CELF2: variants seen among roughly 807,000 people sequenced by gnomAD.
CELF2 encodes the protein CUG triplet repeat RNA-binding protein 2.
In CELF2, 8 loss-of-function variants were observed where a neutral mutation model predicts 62.6. The observed-to-expected ratio is 0.13, with a 90% CI of 0.07 to 0.23. The LOEUF is 0.23. Among genes scored for constraint, CELF2 ranks in the 10% least tolerant of loss-of-function variants. The pLI, the probability that CELF2 is intolerant of heterozygous loss-of-function variation, is 1.00. For missense variants in CELF2, 333 were observed against 671.0 expected (o/e 0.50, Z 5.56); for synonymous variants, 258 against 250.0 (o/e 1.03, Z -0.30).
chr10:10,683,734 C>T, the CELF2 span, among the ~76,000 whole-genome samples: 1 of 152,092 alleles, frequency 6.6e-6, no homozygotes, highest in Non-Finnish European at 1.5e-5. Context: ...ATATGATGGG[C>T]TTGGTTATGA....
At chr10:11,078,944 G>A (rs2073034899) in intron 1 of CELF2, among the ~76,000 whole-genome samples, 1 of 152,206 alleles carries the variant, frequency 6.6e-6, no homozygotes. Context: ...TGGACCCAAA[G>A]AGATTTGTTT....
chr10:11,307,091 C>G (rs933081680), intron 9 of CELF2, among the ~76,000 whole-genome samples: 1 of 152,214 alleles, frequency 6.6e-6, no homozygotes, highest in African/African-American at 2.4e-5. Context: ...CATCAACACA[C>G]CTGTTTGCAG....
chr10:11,170,165 A>G (rs1227336868), intron 2 of CELF2, among the ~76,000 whole-genome samples: 1 of 152,198 alleles, frequency 6.6e-6, no homozygotes, highest in Non-Finnish European at 1.5e-5. Context: ...TTGTACAGCA[A>G]AGGAGATTGT....
At chr10:11,240,187 A>G (rs2073305803) in intron 3 of CELF2, among the ~76,000 whole-genome samples, 1 of 152,236 alleles carries the variant, frequency 6.6e-6, no homozygotes, top group South Asian at 2.1e-4. Flanking sequence ...TTCAGAGGGT[A>G]ACAGTTTTTT....
At chr10:10,721,589 A>G in the CELF2 span, among the ~76,000 whole-genome samples, 1 of 152,346 alleles carries the variant, frequency 6.6e-6, no homozygotes, top group East Asian at 1.9e-4. Flanking sequence ...ACTGGAGTGC[A>G]ATAAATATTT....
At chr10:10,514,644 A>G in the CELF2 span, among the ~76,000 whole-genome samples, 1 of 152,192 alleles carries the variant, frequency 6.6e-6, no homozygotes, top group Non-Finnish European at 1.5e-5. Flanking sequence ...CGTGGCAAGA[A>G]GAACGATTTG....
chr10:10,510,476 T>C, the CELF2 span, among the ~76,000 whole-genome samples: 1 of 152,242 alleles, frequency 6.6e-6, no homozygotes. Context: ...TGCGTTTATC[T>C]TCATCTTGCC....
the CELF2 span, among the ~76,000 whole-genome samples, chr10:10,644,800 T>C: frequency 6.6e-6 from 1 of 152,150 alleles, no homozygotes; most frequent in Non-Finnish European, 1.5e-5. Context: ...TTCTGGCAAA[T>C]GCACTTTGGA....
intron 2 of CELF2, among the ~76,000 whole-genome samples, chr10:11,210,904 A>G (rs1418919811): frequency 6.6e-6 from 1 of 152,236 alleles, no homozygotes; most frequent in East Asian, 1.9e-4. Flanking sequence ...TGTACCCCAT[A>G]AATATGTACA....
intron 2 of CELF2, among the ~76,000 whole-genome samples, chr10:10,986,770 A>G (rs370723888): frequency 4.6e-5 from 7 of 152,190 alleles, no homozygotes; most frequent in South Asian, 4.1e-4. Flanking sequence ...CCACATTGCA[A>G]TGTGGCCAGG....
At chr10:11,061,555 C>T (rs2066726645) in intron 1 of CELF2, among the ~76,000 whole-genome samples, 1 of 152,200 alleles carries the variant, frequency 6.6e-6, no homozygotes, top group African/African-American at 2.4e-5. Flanking sequence ...ATGAAACAGC[C>T]TGCTATTGGA....
intron 9 of CELF2, among the ~76,000 whole-genome samples, chr10:11,307,049 T>A (rs915426203): frequency 6.6e-6 from 1 of 152,194 alleles, no homozygotes; most frequent in African/African-American, 2.4e-5. Flanking sequence ...GCCATCACCA[T>A]TGGGAGTCAG....
At chr10:10,592,547 C>T in the CELF2 span, among the ~76,000 whole-genome samples, 12 of 152,254 alleles carry the variant, frequency 7.9e-5, no homozygotes, top group South Asian at 1.7e-3. Flanking sequence ...TCACGACTTC[C>T]TTTGACTAAA....
intron 1 of CELF2, among the ~76,000 whole-genome samples, chr10:10,835,743 C>T (rs2058237225): frequency 6.6e-6 from 1 of 152,032 alleles, no homozygotes. Context: ...AGTTTGCATG[C>T]CACGGTAGAA....
At chr10:11,256,884 C>A (rs1353979578) in intron 4 of CELF2, among the ~76,000 whole-genome samples, 3 of 152,000 alleles carry the variant, frequency 2.0e-5, no homozygotes, top group Non-Finnish European at 4.4e-5. Context: ...TCCTCATGAT[C>A]CCCAAATGCA....
intron 2 of CELF2, among the ~76,000 whole-genome samples, chr10:11,202,206 C>G (rs111830859): frequency 1.3e-4 from 20 of 152,240 alleles, no homozygotes; most frequent in African/African-American, 4.3e-4. Context: ...ACACATAGGT[C>G]AGCGTATAAG....
intron 2 of CELF2, among the ~76,000 whole-genome samples, chr10:10,941,200 C>CT (rs977501791): frequency 7.2e-5 from 11 of 152,196 alleles, no homozygotes; most frequent in African/African-American, 2.7e-4. Context: ...ATTACTTTCT[C>CT]TTTTTTTCTG....
At chr10:10,790,350 C>G in the CELF2 span, among the ~76,000 whole-genome samples, 1 of 152,104 alleles carries the variant, frequency 6.6e-6, no homozygotes, top group African/African-American at 2.4e-5. Context: ...ATGTCTCCCT[C>G]ATAATAGTAC....
intron 2 of CELF2, among the ~76,000 whole-genome samples, chr10:10,954,535 C>T (rs1241236050): frequency 2.0e-5 from 3 of 152,110 alleles, no homozygotes; most frequent in Non-Finnish European, 4.4e-5. Flanking sequence ...CGTGAGCCAC[C>T]GCACCTGGCC....
Sources: gnomAD v4.1 joint callset for allele counts (sites outside exome capture counted in the v4.1 genomes callset) on GRCh38, gnomAD v4.1.1 for gene constraint, MANE v1.5 for transcripts, NCBI Gene and HGNC (gene_info 2026-07-23, HGNC 2026-07-21) for gene names.